Variants in GABBR2 observed in about 807,000 individuals in gnomAD.
GABBR2 encodes gamma-aminobutyric acid type B receptor subunit 2.
A neutral mutation model predicts 105.6 loss-of-function variants in GABBR2; 23 were observed. The observed-to-expected ratio is 0.22, with a 90% CI of 0.16 to 0.31. GABBR2 has a LOEUF of 0.31. GABBR2 is among the 10% of genes least tolerant of loss of function. The probability of loss-of-function intolerance (pLI) is 1.00; values close to 1 mark genes in which losing one functional copy is unlikely to be tolerated. For synonymous variants in GABBR2, 478 were observed against 499.7 expected, an observed-to-expected ratio of 0.96 and a Z score of 0.58; for missense variants, 734 against 1,245.5, an observed-to-expected ratio of 0.59 and a Z score of 6.18.
intron 3 of GABBR2, among the ~76,000 whole-genome samples, chr9:98,529,231 T>C (rs112301819): frequency 4.7e-4 from 71 of 151,980 alleles, no homozygotes; most frequent in African/African-American, 1.7e-3. Flanking sequence ...TGCAGAATTG[T>C]TGGAATATAG....
intron 9 of GABBR2, 136 bp downstream of exon 9, chr9:98,394,039 T>C (rs1357560805): frequency 1.1e-5 from 7 of 649,260 alleles, no homozygotes; most frequent in Non-Finnish European, 2.0e-5. Flanking sequence ...TGCTCAACGA[T>C]TGAGTGCATG....
intron 13 of GABBR2, among the ~76,000 whole-genome samples, chr9:98,354,816 G>T (rs903222384): frequency 6.6e-6 from 1 of 152,164 alleles, no homozygotes; most frequent in African/African-American, 2.4e-5. Context: ...TCATTCATGT[G>T]TTCACTGAAA....
rs112677385 is a variant in GABBR2, at chr9:98,637,292, C to G, written c.322-59220G>C. Among the ~76,000 whole-genome samples the G allele has an allele frequency of 7.0e-4, 107 of 152,288 alleles. 1 individual carries two copies. The highest frequency in any genetic ancestry group is 2.4e-3 in the African/African-American group (100 of 41,560). ...AGACACAGTTGGCTACTTTGGGAAC[C>G]TTTAACATCCCCCTCCCCAAGCCCT... On this transcript the variant is annotated intron_variant, in intron 1 of 18. Coordinates refer to ENST00000259455, the MANE Select transcript of GABBR2 (RefSeq NM_005458.8).
intron 3 of GABBR2, among the ~76,000 whole-genome samples, chr9:98,537,389 T>C (rs778044659): frequency 6.6e-6 from 1 of 151,798 alleles, no homozygotes; most frequent in Non-Finnish European, 1.5e-5. Context: ...AATGGGCACA[T>C]GGGAATTTTT....
chr9:98,306,411 G>T lies in GABBR2; in HGVS notation c.2005-66C>A. The T allele has an allele frequency of 9.8e-7, 1 of 1,024,060 alleles. No homozygotes were observed. Among genetic ancestry groups the T allele is most frequent in the Non-Finnish European group, 1.5e-6 (1 of 679,088 alleles). 63.4% of individuals were successfully genotyped at this position (1,024,060 alleles called of 1,614,324 possible). A position where few individuals can be genotyped will look rare whatever the true frequency, so the allele number is the denominator to read the frequency against. ...AGGGGTGGCACACACAGGCTGCTCTGAGAAGCTGTGGAGTGGAGGGTTACT... is the reference window on the plus strand; with the variant it reads ...AGGGGTGGCACACACAGGCTGCTCTTAGAAGCTGTGGAGTGGAGGGTTACT... On this transcript the variant is annotated intron_variant, in intron 14 of 18. Coordinates refer to ENST00000259455, the MANE Select transcript of GABBR2 (RefSeq NM_005458.8). The surrounding 1 kb of genome is among the most constrained non-coding windows in gnomAD (Gnocchi z 5.4).
chr9:98,568,251 C>T (rs1828778110), intron 2 of GABBR2, among the ~76,000 whole-genome samples: 1 of 152,180 alleles, frequency 6.6e-6, no homozygotes, highest in African/African-American at 2.4e-5. Context: ...TGGCACCAGG[C>T]ATGGAGAGAC....
intron 12 of GABBR2, among the ~76,000 whole-genome samples, chr9:98,363,840 T>C (rs977164170): frequency 1.3e-5 from 2 of 152,102 alleles, no homozygotes; most frequent in African/African-American, 2.4e-5. Context: ...GGGGGATAAA[T>C]ATTTTCGGTG....
chr9:98,542,095 G>C, intron 2 of GABBR2, 52 bp from the exon 3 acceptor site: 3 of 1,492,372 alleles, frequency 2.0e-6, no homozygotes, highest in Non-Finnish European at 2.8e-6. Context: ...TCACAGCTGT[G>C]ACCCAGCATC....
chr9:98,499,578 G>A (rs539129398), intron 3 of GABBR2, among the ~76,000 whole-genome samples: 59 of 152,330 alleles, frequency 3.9e-4, no homozygotes, highest in Admixed American at 2.2e-3. Context: ...ATTATAAATG[G>A]CATTTTAAAG....
At chr9:98,672,325 T>C (rs995084391) in intron 1 of GABBR2, among the ~76,000 whole-genome samples, 2 of 152,268 alleles carry the variant, frequency 1.3e-5, no homozygotes, top group African/African-American at 4.8e-5. Flanking sequence ...TTTTTGTAAC[T>C]GGCTCATTTC....
intron 8 of GABBR2, among the ~76,000 whole-genome samples, chr9:98,405,842 C>T (rs982084133): frequency 2.8e-4 from 42 of 152,188 alleles, no homozygotes; most frequent in Admixed American, 2.4e-3. Context: ...CAGTCTTCAG[C>T]TGGCTGAATC....
At chr9:98,440,855 G>C (rs1221044168) in intron 7 of GABBR2, among the ~76,000 whole-genome samples, 2 of 152,186 alleles carry the variant, frequency 1.3e-5, no homozygotes, top group Non-Finnish European at 2.9e-5. Context: ...TATGTCAGCT[G>C]TCTTCTCCTG....
At chr9:98,574,060 G>A (rs1828877483) in intron 2 of GABBR2, among the ~76,000 whole-genome samples, 1 of 152,218 alleles carries the variant, frequency 6.6e-6, no homozygotes, top group Non-Finnish European at 1.5e-5. Flanking sequence ...GCATCACAGA[G>A]GAAGTGGTAT....
chr9:98,339,506 C>T (rs1831172756), intron 13 of GABBR2, among the ~76,000 whole-genome samples: 1 of 152,116 alleles, frequency 6.6e-6, no homozygotes, highest in African/African-American at 2.4e-5. Flanking sequence ...TCATTGCACC[C>T]CAACTCTGGA....
chr9:98,366,520 T>A (rs1340502169), intron 12 of GABBR2, among the ~76,000 whole-genome samples: 2 of 152,240 alleles, frequency 1.3e-5, no homozygotes, highest in Non-Finnish European at 2.9e-5. Flanking sequence ...ATTGACTCTC[T>A]GGCTCTTTGC....
intron 1 of GABBR2, among the ~76,000 whole-genome samples, chr9:98,635,414 G>A (rs1829862621): frequency 2.0e-5 from 3 of 152,124 alleles, no homozygotes; most frequent in Admixed American, 1.3e-4. Flanking sequence ...TGAGGGTGGG[G>A]GACACTCAGA....
chr9:98,610,952 T>C (rs892056321), intron 1 of GABBR2, among the ~76,000 whole-genome samples: 1 of 151,962 alleles, frequency 6.6e-6, no homozygotes, highest in Non-Finnish European at 1.5e-5. Context: ...GATTGCACCA[T>C]TGCACTCCAG....
At position 98,306,970 on chromosome 9, in the gene GABBR2, T is replaced by A. The variant is rs1232805738; in HGVS notation, c.2005-625A>T. On this transcript the variant is annotated intron_variant, in intron 14 of 18. Transcript: ENST00000259455. This position sits in a 1 kb window ranked among gnomAD's most constrained non-coding sequence, Gnocchi z 5.4. ...GAAGTGTCTTTAAAGGGAAGAGGTG[T>A]TGCTTTTCCTCCTTCCTAACAGCTG... Among the ~76,000 whole-genome samples, 1 of 152,186 alleles carries A rather than the reference T, an allele frequency of 6.6e-6. No individual in the cohort carries two copies. Among genetic ancestry groups the A allele is most frequent in the Non-Finnish European group, 1.5e-5 (1 of 68,026 alleles).
At chr9:98,323,523 T>C (rs1377531817) in intron 13 of GABBR2, among the ~76,000 whole-genome samples, 1 of 152,200 alleles carries the variant, frequency 6.6e-6, no homozygotes, top group African/African-American at 2.4e-5. Flanking sequence ...AAGGAGCCTC[T>C]CTGTGGGGGA....
Sources: gnomAD v4.1 joint callset for allele counts (sites outside exome capture counted in the v4.1 genomes callset) on GRCh38, gnomAD v4.1.1 for gene constraint, Gnocchi (gnomAD v3.1) non-coding constraint, MANE v1.5 for transcripts, NCBI Gene and HGNC (gene_info 2026-07-23, HGNC 2026-07-21) for gene names.